The following TRIO variants were observed in gnomAD, a reference collection of about 807,000 sequenced individuals.
The protein encoded by TRIO is trio Rho guanine nucleotide exchange factor.
TRIO carries 58 observed loss-of-function variants against 351.9 expected under a neutral mutation model. The ratio of observed to expected loss-of-function variants is 0.16; its 90% CI spans 0.13 to 0.21. The LOEUF is 0.21. TRIO is among the 10% of genes least tolerant of loss of function. The pLI is 1.00. For synonymous variants in TRIO, 1,758 were observed against 1,595.7 expected (o/e 1.10, Z -2.42); for missense variants, 3,201 against 4,027.8 (o/e 0.79, Z 5.56).
Position 14,290,872 on chromosome 5 carries a change from C to T in TRIO, c.697C>T (p.Arg233Trp). Residue 233 changes from arginine (R) to tryptophan (W), a missense_variant, in exon 5 of 57, where the codon CGG becomes TGG. Transcript: ENST00000344204. ...YISNATHMLS[R>W]LEELQDILAK... is the part of the protein sequence containing the mutation. ...TAGCAATGCCACCCACATGCTGTCT[C>T]GGCTGGAGGAACTTCAGGACATCCT... 6 of 1,614,124 alleles carry T rather than the reference C, an allele frequency of 3.7e-6. No homozygotes were observed. The highest frequency in any genetic ancestry group is 1.3e-5 in the African/African-American group (1 of 75,022).
intron 1 of TRIO, among the ~76,000 whole-genome samples, chr5:14,219,093 C>T (rs565763468): frequency 6.6e-6 from 1 of 152,228 alleles, no homozygotes; most frequent in South Asian, 2.1e-4. Context: ...GGTGGTGTGA[C>T]ATTGGTGAAT....
At chr5:14,398,178 A>G (rs1747774248) in intron 29 of TRIO, among the ~76,000 whole-genome samples, 1 of 152,116 alleles carries the variant, frequency 6.6e-6, no homozygotes, top group Non-Finnish European at 1.5e-5. Context: ...AAGAGAGTGG[A>G]AGTCAGGAGG....
chr5:14,457,293 C>T (rs1168192936), intron 34 of TRIO, among the ~76,000 whole-genome samples: 4 of 149,932 alleles, frequency 2.7e-5, no homozygotes, highest in African/African-American at 9.8e-5. Context: ...ACTGCTGCTT[C>T]TCATCAATGG....
chr5:14,424,808 T>G (rs1750503072), intron 34 of TRIO, among the ~76,000 whole-genome samples: 1 of 152,260 alleles, frequency 6.6e-6, no homozygotes, highest in Non-Finnish European at 1.5e-5. Flanking sequence ...CATTCGGAAC[T>G]GTCCGAAATG....
chr5:14,289,281 AG>A, intron 4 of TRIO, among the ~76,000 whole-genome samples: 1 of 152,168 alleles, frequency 6.6e-6, no homozygotes. Flanking sequence ...GCTACTCGGG[AG>A]GCTGAGGCAG....
chr5:14,382,654 C>A (rs1746208932), intron 21 of TRIO, among the ~76,000 whole-genome samples: 1 of 152,250 alleles, frequency 6.6e-6, no homozygotes, highest in African/African-American at 2.4e-5. Flanking sequence ...TCCTCCTCCA[C>A]ATACACACCT....
intron 1 of TRIO, among the ~76,000 whole-genome samples, chr5:14,268,419 G>A (rs542882190): frequency 1.3e-5 from 2 of 152,286 alleles, no homozygotes; most frequent in South Asian, 2.1e-4. Context: ...TCAGCATTGG[G>A]ATCAGGACAT....
chr5:14,431,825 G>A (rs1480791760), intron 34 of TRIO, among the ~76,000 whole-genome samples: 3 of 152,194 alleles, frequency 2.0e-5, no homozygotes, highest in Admixed American at 6.5e-5. Context: ...TTCCTCTGGG[G>A]CCTCTGTCCT....
chr5:14,153,423 ATTTC>A (rs941378110), intron 1 of TRIO, among the ~76,000 whole-genome samples: 4 of 152,176 alleles, frequency 2.6e-5, no homozygotes, highest in African/African-American at 9.7e-5. Context: ...TACTGTGTTT[ATTTC>A]TTTTTCTCCC....
At chr5:14,377,528 G>T (rs539161365) in intron 19 of TRIO, among the ~76,000 whole-genome samples, 1 of 152,100 alleles carries the variant, frequency 6.6e-6, no homozygotes, top group Non-Finnish European at 1.5e-5. Flanking sequence ...GGGATTACAG[G>T]CGTGAGCCAC....
intron 1 of TRIO, among the ~76,000 whole-genome samples, chr5:14,254,234 A>G (rs1249933023): frequency 2.9e-5 from 4 of 138,824 alleles, no homozygotes; most frequent in African/African-American, 8.4e-5. Flanking sequence ...CCCAGGCTGG[A>G]GTGCGATGGC....
intron 7 of TRIO, 140 bp downstream of exon 7, chr5:14,297,403 G>A (rs1287607625): frequency 1.7e-5 from 17 of 1,027,796 alleles, no homozygotes; most frequent in Non-Finnish European, 2.2e-5. Flanking sequence ...TTGGCCCTGA[G>A]TTTAAATTCC....
intron 1 of TRIO, among the ~76,000 whole-genome samples, chr5:14,177,183 T>A (rs781592017): frequency 1.3e-5 from 2 of 152,210 alleles, no homozygotes; most frequent in Non-Finnish European, 2.9e-5. Context: ...TTCACTTGAG[T>A]GTTGAAAACA....
chr5:14,258,789 A>T (rs1298195151), intron 1 of TRIO, among the ~76,000 whole-genome samples: 2 of 152,172 alleles, frequency 1.3e-5, no homozygotes, highest in Non-Finnish European at 2.9e-5. Flanking sequence ...GCAGTGGCCC[A>T]GGGGGATAAT....
intron 13 of TRIO, among the ~76,000 whole-genome samples, chr5:14,363,359 T>C (rs1046374289): frequency 3.9e-5 from 6 of 152,218 alleles, no homozygotes; most frequent in Non-Finnish European, 5.9e-5. Context: ...TTTTTGACTT[T>C]TAGCTTCTCT....
chr5:14,198,783 T>A (rs1443715418), intron 1 of TRIO, among the ~76,000 whole-genome samples: 4 of 152,186 alleles, frequency 2.6e-5, no homozygotes, highest in African/African-American at 7.2e-5. Context: ...AGCCATCACC[T>A]GAGAGCACCT....
chr5:14,483,991 C>G (rs946842055), intron 46 of TRIO, among the ~76,000 whole-genome samples: 1 of 152,060 alleles, frequency 6.6e-6, no homozygotes, highest in African/African-American at 2.4e-5. Context: ...CAGCCATCAT[C>G]TGAACTACAC....
intron 48 of TRIO, chr5:14,489,046 C>A (rs746302531): frequency 2.6e-6 from 2 of 765,178 alleles, no homozygotes; most frequent in Admixed American, 3.4e-5. Context: ...TGGCCTGGCC[C>A]GTAACACTTT....
chr5:14,407,807 A>G (rs1282134864), intron 33 of TRIO, among the ~76,000 whole-genome samples: 1 of 152,244 alleles, frequency 6.6e-6, no homozygotes, highest in Non-Finnish European at 1.5e-5. Context: ...GTGATGGACA[A>G]AAGACAAAAT....
Sources: gnomAD v4.1 joint callset for allele counts (sites outside exome capture counted in the v4.1 genomes callset) on GRCh38, gnomAD v4.1.1 for gene constraint, MANE v1.5 for transcripts, NCBI Gene and HGNC (gene_info 2026-07-23, HGNC 2026-07-21) for gene names.